Variants in PDE4C observed in about 807,000 individuals in gnomAD.
The protein encoded by PDE4C is 3',5'-cyclic-AMP phosphodiesterase 4C.
In PDE4C, 50 loss-of-function variants were observed where a neutral mutation model predicts 63.9. The observed-to-expected ratio is 0.78, with a 90% CI of 0.62 to 0.99. PDE4C has a LOEUF of 0.99. Among genes scored for constraint, PDE4C ranks in the 50% least tolerant of loss-of-function variants. The pLI is 0.00. For synonymous variants in PDE4C, 377 were observed against 385.1 expected (o/e 0.98, Z 0.25); for missense variants, 777 against 899.1 (o/e 0.86, Z 1.74).
chr19:18,211,351 T>G, intron 14 of PDE4C, 75 bp from the exon 15 acceptor site: 2 of 1,271,864 alleles, frequency 1.6e-6, no homozygotes, highest in Non-Finnish European at 2.2e-6. Context: ...CCTCCAGATC[T>G]TTAGCCAAGT....
At chr19:18,226,228 G>T (rs762380381) in intron 1 of PDE4C, 42 bp downstream of exon 1, 6 of 1,491,960 alleles carry the variant, frequency 4.0e-6, no homozygotes, top group Non-Finnish European at 5.5e-6. Flanking sequence ...CCTCCACACC[G>T]GGCGTCCCGG....
At chr19:18,225,018 C>T (rs1373244279) in intron 1 of PDE4C, among the ~76,000 whole-genome samples, 1 of 152,220 alleles carries the variant, frequency 6.6e-6, no homozygotes, top group African/African-American at 2.4e-5. Flanking sequence ...GGCCACAGGG[C>T]GTGCAAATCC....
At chr19:18,210,667 A>G in exon 15 of PDE4C, 1 of 382,372 alleles carries the variant, frequency 2.6e-6, no homozygotes, top group Middle Eastern at 7.2e-4. Flanking sequence ...CAGGGATAGA[A>G]GCCCAGGAGA....
chr19:18,226,993 C>T (rs1968752964), upstream of PDE4C, among the ~76,000 whole-genome samples: 2 of 152,232 alleles, frequency 1.3e-5, no homozygotes, highest in South Asian at 4.2e-4. Flanking sequence ...GTTAGTGCAG[C>T]TTGCTGGGCC....
chr19:18,226,232 G>A (rs1390240202), intron 1 of PDE4C, 38 bp downstream of exon 1: 4 of 1,498,450 alleles, frequency 2.7e-6, no homozygotes, highest in Non-Finnish European at 3.6e-6. Context: ...CACACCGGGC[G>A]TCCCGGTGAC....
chr19:18,228,793 C>T (rs1404206006), upstream of PDE4C, among the ~76,000 whole-genome samples: 5 of 152,148 alleles, frequency 3.3e-5, no homozygotes, highest in African/African-American at 9.7e-5. Context: ...CTCTCCAAGC[C>T]CCGCTGGGTA....
At chr19:18,255,317 G>A in the PDE4C span, 7 of 399,000 alleles carry the variant, frequency 1.8e-5, no homozygotes, top group Non-Finnish European at 2.2e-5. The surrounding 1 kb of genome is among the most constrained non-coding windows in gnomAD (Gnocchi z 4.6). Context: ...TTCCTGCGCC[G>A]GGAGGGCCTG....
intron 1 of PDE4C, among the ~76,000 whole-genome samples, chr19:18,232,682 T>C (rs1278445030): frequency 1.4e-5 from 2 of 142,472 alleles, no homozygotes; most frequent in Non-Finnish European, 3.1e-5. Context: ...GTCACCCCAG[T>C]CTCACGCGCG....
chr19:18,211,773 C>T, exon 14 of PDE4C: 4 of 1,614,246 alleles, frequency 2.5e-6, no homozygotes, highest in Non-Finnish European at 3.4e-6. Flanking sequence ...GACTTCTCCA[C>T]TGAGGCCGTA....
At chr19:18,232,171 C>G (rs1378603472) in intron 1 of PDE4C, among the ~76,000 whole-genome samples, 2 of 152,012 alleles carry the variant, frequency 1.3e-5, no homozygotes. Context: ...TCAAGACCAG[C>G]CTGGGTAACA....
chr19:18,223,805 G>T (rs534539536), intron 1 of PDE4C, among the ~76,000 whole-genome samples: 1 of 152,322 alleles, frequency 6.6e-6, no homozygotes, highest in East Asian at 1.9e-4. Flanking sequence ...CAGCTTCTTG[G>T]GCTCTTCTAC....
intron 1 of PDE4C, among the ~76,000 whole-genome samples, chr19:18,241,159 T>C (rs1011191637): frequency 2.0e-5 from 3 of 151,042 alleles, no homozygotes; most frequent in Admixed American, 2.0e-4. Context: ...GAGGGTGGGG[T>C]GTGTGGGGAC....
intron 1 of PDE4C, among the ~76,000 whole-genome samples, chr19:18,240,544 G>A (rs940495178): frequency 2.0e-5 from 3 of 151,810 alleles, no homozygotes; most frequent in Non-Finnish European, 2.9e-5. Flanking sequence ...CGGCCAACAT[G>A]CTGAAACCCC....
At chr19:18,231,450 G>C (rs921187664), upstream of PDE4C, among the ~76,000 whole-genome samples, 3 of 152,184 alleles carry the variant, frequency 2.0e-5, no homozygotes, top group African/African-American at 7.2e-5. Context: ...AGAAGCCGGG[G>C]CGGGAGAAGG....
chr19:18,251,457 CAG>C (rs1337048225), upstream of PDE4C, among the ~76,000 whole-genome samples: 1 of 147,128 alleles, frequency 6.8e-6, no homozygotes, highest in African/African-American at 2.5e-5. Flanking sequence ...TTATTTGAGA[CAG>C]AGTCTTACTC....
upstream of PDE4C, chr19:18,234,268 G>T (rs1246090029): frequency 6.6e-6 from 1 of 152,280 alleles, no homozygotes; most frequent in Non-Finnish European, 1.5e-5. Context: ...AGACTCTCGT[G>T]CTTTTAAAGC....
upstream of PDE4C, among the ~76,000 whole-genome samples, chr19:18,251,747 C>G (rs1208663263): frequency 7.9e-6 from 1 of 125,860 alleles, no homozygotes; most frequent in African/African-American, 2.8e-5. Context: ...GCCACCGCGC[C>G]CCGCCATTTT....
exon 1 of PDE4C, chr19:18,233,467 C>T (rs779124045): frequency 1.5e-6 from 1 of 675,788 alleles, no homozygotes; most frequent in Non-Finnish European, 2.7e-6. Flanking sequence ...GAAGAGACCC[C>T]CCCCCAACAC....
At chr19:18,234,635 G>T (rs765788751), upstream of PDE4C, among the ~76,000 whole-genome samples, 24 of 152,202 alleles carry the variant, frequency 1.6e-4, no homozygotes, top group Non-Finnish European at 2.8e-4. Context: ...GGCATTTAAG[G>T]CCATTAGGGT....
Sources: allele counts gnomAD v4.1 joint callset (sites outside exome capture counted in the v4.1 genomes callset), GRCh38; gene constraint gnomAD v4.1.1; non-coding constraint Gnocchi (gnomAD v3.1); transcripts MANE v1.5; gene names NCBI Gene and HGNC (gene_info 2026-07-23, HGNC 2026-07-21).